The following SLC25A48 variants were observed in gnomAD, a reference collection of about 807,000 sequenced individuals.
SLC25A48 encodes CTC-321K16.1.
A neutral mutation model predicts 32.2 loss-of-function variants in SLC25A48; 29 were observed. The ratio of observed to expected loss-of-function variants is 0.90; its 90% CI spans 0.67 to 1.23. The LOEUF (loss-of-function observed/expected upper bound fraction) is 1.23. Ranked by LOEUF, SLC25A48 falls within the 50% of genes most tolerant of loss-of-function variation. The pLI, the probability that SLC25A48 is intolerant of heterozygous loss-of-function variation, is 0.00. For synonymous variants in SLC25A48, 164 were observed against 172.3 expected, an observed-to-expected ratio of 0.95 and a Z score of 0.38; for missense variants, 399 against 422.7, an observed-to-expected ratio of 0.94 and a Z score of 0.49.
chr5:135,768,615 C>T (rs532531305), intron 3 of SLC25A48, among the ~76,000 whole-genome samples: 5 of 151,472 alleles, frequency 3.3e-5, no homozygotes, highest in South Asian at 2.1e-4. Flanking sequence ...CTCCCAATGT[C>T]GCAGGGATTG....
intron 3 of SLC25A48, among the ~76,000 whole-genome samples, chr5:135,758,395 A>G (rs1360857852): frequency 6.6e-6 from 1 of 150,838 alleles, no homozygotes; most frequent in African/African-American, 2.4e-5. Context: ...TGATATTAAT[A>G]GAATATTATC....
chr5:135,845,975 C>A (rs1218347654), intron 2 of SLC25A48, among the ~76,000 whole-genome samples: 1 of 152,200 alleles, frequency 6.6e-6, no homozygotes, highest in Non-Finnish European at 1.5e-5. Flanking sequence ...GGGTCCCCAA[C>A]TCCTATACCG....
chr5:135,711,734 C>T (rs1754669336), intron 3 of SLC25A48, among the ~76,000 whole-genome samples: 1 of 152,184 alleles, frequency 6.6e-6, no homozygotes, highest in Admixed American at 6.5e-5. Context: ...GTGCCCTCTC[C>T]TCAGTGCCTG....
chr5:135,844,714 T>C (rs989969995), intron 2 of SLC25A48, among the ~76,000 whole-genome samples: 1 of 152,236 alleles, frequency 6.6e-6, no homozygotes, highest in East Asian at 1.9e-4. Flanking sequence ...TACCACATCA[T>C]GTGACAATGT....
chr5:135,856,577 G>A (rs1318908014), intron 4 of SLC25A48, among the ~76,000 whole-genome samples: 2 of 152,244 alleles, frequency 1.3e-5, no homozygotes, highest in African/African-American at 2.4e-5. Flanking sequence ...CCAAGGCTGT[G>A]TGTCACATGC....
chr5:135,724,153 C>G (rs141206350), intron 3 of SLC25A48, among the ~76,000 whole-genome samples: 10 of 152,368 alleles, frequency 6.6e-5, no homozygotes, highest in African/African-American at 2.4e-4. Flanking sequence ...CCACCATCAT[C>G]ATGATCATTT....
intron 3 of SLC25A48, among the ~76,000 whole-genome samples, chr5:135,717,672 T>C (rs912161513): frequency 1.3e-5 from 2 of 152,058 alleles, no homozygotes; most frequent in African/African-American, 4.8e-5. Context: ...TTGGTGTAGA[T>C]ACAAGCCAAG....
At chr5:135,798,469 G>T (rs758353840) in intron 3 of SLC25A48, among the ~76,000 whole-genome samples, 1 of 151,704 alleles carries the variant, frequency 6.6e-6, no homozygotes, top group Non-Finnish European at 1.5e-5. Context: ...CGCAGGTTGT[G>T]TACATTCCCC....
At position 135,676,973 on chromosome 5, in the gene SLC25A48, T is replaced by C. The variant is rs118158199; in HGVS notation, c.-521+42017T>C. Among the ~76,000 whole-genome samples the C allele has an allele frequency of 9.9e-5, 15 of 152,160 alleles. No individual in the cohort carries two copies. In the East Asian group the frequency reaches 2.7e-3, roughly 27 times the overall value. On this transcript the variant is annotated intron_variant, in intron 3 of 10. Coordinates refer to the SLC25A48 transcript ENST00000646290. Reference sequence around the variant, plus strand: ...TCTGTAAATATCTGTTATATCCATTTGGTCTAATATGCAGTTTCAATTCAA... The same window carrying C: ...TCTGTAAATATCTGTTATATCCATTCGGTCTAATATGCAGTTTCAATTCAA...
chr5:135,699,445 T>C (rs898347604), intron 3 of SLC25A48, among the ~76,000 whole-genome samples: 12 of 149,556 alleles, frequency 8.0e-5, no homozygotes, highest in African/African-American at 2.7e-4. Context: ...GACCAAGAGA[T>C]ACATGACATG....
intron 1 of SLC25A48, among the ~76,000 whole-genome samples, chr5:135,591,172 T>C (rs1357922070): frequency 6.6e-6 from 1 of 152,216 alleles, no homozygotes; most frequent in African/African-American, 2.4e-5. Flanking sequence ...CCCATGATGA[T>C]GCAAATGCAA....
rs1263027424 is a variant in SLC25A48, at chr5:135,888,450, C to A, written c.*426C>A. 9.6e-6 allele frequency: 2 copies of A among 208,866 alleles called. No homozygotes were observed. Among genetic ancestry groups the A allele is most frequent in the Non-Finnish European group, 2.0e-5 (2 of 101,868 alleles). The allele number at this position is 208,866 out of a possible 1,614,324, so 12.9% of individuals were successfully genotyped here. A position where few individuals can be genotyped will look rare whatever the true frequency, so the allele number is the denominator to read the frequency against. On this transcript the variant is annotated 3_prime_UTR_variant, in exon 8 of 8. Transcript: ENST00000681962. ...CACGTCCCCGTGCCTCCAGTCTCCT[C>A]TCAGCACCGACCAGGTTTTTCCCCG...
intron 4 of SLC25A48, chr5:135,822,284 A>T (rs1355112297): frequency 1.3e-5 from 2 of 152,334 alleles, no homozygotes; most frequent in Admixed American, 1.3e-4. Flanking sequence ...GCCATCCAGC[A>T]AACCCACATG....
intron 1 of SLC25A48, among the ~76,000 whole-genome samples, chr5:135,619,092 CTTTTG>C (rs1752260365): frequency 6.6e-6 from 1 of 151,992 alleles, no homozygotes; most frequent in Non-Finnish European, 1.5e-5. Context: ...TTTTATAACT[CTTTTG>C]TTTTCTTTTC....
Position 135,850,422 on chromosome 5 carries a change from T to G in SLC25A48, c.91-3T>G. 3.1e-6 allele frequency: 5 copies of G among 1,614,132 alleles called. 1 individual carries two copies. In the South Asian group the frequency reaches 5.5e-5, roughly 18 times the overall value. Reference sequence around the variant, plus strand: ...TGACCCATGTCCTTGCCTCTCTCCATAGACTCGCCTGCAGGCTGGCGTTGG... The same window carrying G: ...TGACCCATGTCCTTGCCTCTCTCCAGAGACTCGCCTGCAGGCTGGCGTTGG... On this transcript the variant is annotated splice_region_variant and splice_polypyrimidine_tract_variant and intron_variant, in intron 2 of 7. Coordinates refer to ENST00000681962, the MANE Select transcript of SLC25A48 (RefSeq NM_001349336.2).
rs575496671 is a variant in SLC25A48 at position 135,618,151 on chromosome 5, C to T, written c.-848-11086C>T. Among the ~76,000 whole-genome samples, 5 of 152,106 alleles carry T rather than the reference C, an allele frequency of 3.3e-5. No individual in the cohort carries two copies. The East Asian group carries it at 9.6e-4, about 29-fold the overall frequency. ...GCTATATCCTCTTACTGAATTTATC[C>T]CTTTATCATACAATGACCTTCTTTG... On this transcript the variant is annotated intron_variant, in intron 1 of 10. Transcript: ENST00000646290.
At position 135,624,757 on chromosome 5, in the gene SLC25A48, C is replaced by A. The variant is rs76544206; in HGVS notation, c.-848-4480C>A. On this transcript the variant is annotated intron_variant, in intron 1 of 10. Transcript: ENST00000646290. Reference sequence around the variant, plus strand: ...TGAGTCTGTAGATACATAGAAAAGACAGTGATTGTTTTTGGCTGGTGTGGC... The same window carrying A: ...TGAGTCTGTAGATACATAGAAAAGAAAGTGATTGTTTTTGGCTGGTGTGGC... Among the ~76,000 whole-genome samples the A allele has an allele frequency of 6.0e-4, 91 of 152,326 alleles. 4 individuals are homozygous for A. In the East Asian group the frequency reaches 0.017, roughly 28 times the overall value.
intron 1 of SLC25A48, among the ~76,000 whole-genome samples, chr5:135,627,652 T>C (rs1043477273): frequency 6.6e-6 from 1 of 152,218 alleles, no homozygotes; most frequent in African/African-American, 2.4e-5. Context: ...TCTCTCCTCC[T>C]TTATTTCTCT....
intron 3 of SLC25A48, among the ~76,000 whole-genome samples, chr5:135,806,738 T>C (rs1239194847): frequency 1.3e-5 from 2 of 150,204 alleles, no homozygotes; most frequent in Non-Finnish European, 3.0e-5. Context: ...ATACTAGATA[T>C]AATTATCACA....
Sources: allele counts gnomAD v4.1 joint callset (sites outside exome capture counted in the v4.1 genomes callset), GRCh38; gene constraint gnomAD v4.1.1; transcripts MANE v1.5; gene names NCBI Gene and HGNC (gene_info 2026-07-23, HGNC 2026-07-21).